STOM: variants seen among roughly 807,000 people sequenced by gnomAD.
STOM encodes the protein erythrocyte band 7 integral membrane protein.
STOM carries 25 observed loss-of-function variants against 30.6 expected under a neutral mutation model. That is an observed-to-expected ratio of 0.82 (90% CI 0.60 to 1.14). STOM has a LOEUF of 1.14. STOM is among the 50% of genes most tolerant of loss of function. The pLI, the probability that STOM is intolerant of heterozygous loss-of-function variation, is 0.00. For synonymous variants in STOM, 118 were observed against 130.8 expected (o/e 0.90, Z 0.67); for missense variants, 292 against 365.2 (o/e 0.80, Z 1.63).
chr9:121,351,569 A>C (rs532302041), intron 4 of STOM, among the ~76,000 whole-genome samples: 1 of 152,214 alleles, frequency 6.6e-6, no homozygotes, highest in African/African-American at 2.4e-5. Context: ...GGTTTTCTGT[A>C]TGCAACGGTT....
intron 6 of STOM, among the ~76,000 whole-genome samples, chr9:121,342,867 C>A (rs113225682): frequency 9.3e-4 from 142 of 152,244 alleles, no homozygotes; most frequent in Middle Eastern, 3.4e-3. Context: ...GAAGATCACT[C>A]GAGTAGTAGA....
In STOM at chr9:121,339,835, C is replaced by G; in HGVS notation, c.*1367G>C. The G allele has an allele frequency of 7.6e-6, 9 of 1,191,064 alleles. No homozygotes were observed. The highest frequency in any genetic ancestry group is 9.3e-6 in the Non-Finnish European group (9 of 962,806). 73.8% of individuals were successfully genotyped at this position (1,191,064 alleles called of 1,614,324 possible). On this transcript the variant is annotated 3_prime_UTR_variant, in exon 7 of 7. Coordinates refer to ENST00000286713, the MANE Select transcript of STOM (RefSeq NM_004099.6). ...AATGACTAGGTAAATTTAAAAAGAC[C>G]TACATCTATATAGATATTGTAAGTT...
At position 121,352,450 on chromosome 9, in the gene STOM, G is replaced by C. The variant is rs114785086; in HGVS notation, c.321+770C>G. ...ACCTACACATCACTTTATTCATGTG[G>C]ATTCAATGCCATGCTTGATGCATGG... is the stretch of plus-strand genomic sequence containing the variant. On this transcript the variant is annotated intron_variant, in intron 4 of 6. Transcript: ENST00000286713. Among the ~76,000 whole-genome samples the C allele has an allele frequency of 7.8e-3, 1,186 of 152,216 alleles. 19 individuals are homozygous for C. The highest frequency in any genetic ancestry group is 0.027 in the African/African-American group (1,130 of 41,500).
chr9:121,364,591 G>A (rs565425891), intron 1 of STOM, among the ~76,000 whole-genome samples: 7 of 152,280 alleles, frequency 4.6e-5, no homozygotes, highest in African/African-American at 1.7e-4. Flanking sequence ...ATACTTCTAA[G>A]AAAGATTTGC....
Position 121,362,121 on chromosome 9 carries a change from C to G in STOM, c.62-5965G>C, listed in dbSNP as rs563658344. 2.6e-5 allele frequency among the ~76,000 whole-genome samples: 4 copies of G among 152,176 alleles called. No homozygotes were observed. In the East Asian group the frequency reaches 7.7e-4, roughly 29 times the overall value. ...GTCTGAATATGGACATAAGCCTGTA[C>G]ATTTGAATTTTTGTATTGAACATTC... On this transcript the variant is annotated intron_variant, in intron 1 of 6. Coordinates refer to ENST00000286713, the MANE Select transcript of STOM (RefSeq NM_004099.6).
At chr9:121,352,710 A>G (rs993940901) in intron 4 of STOM, among the ~76,000 whole-genome samples, 2 of 152,164 alleles carry the variant, frequency 1.3e-5, no homozygotes, top group Non-Finnish European at 2.9e-5. Flanking sequence ...ACAAATGTCT[A>G]TTTTCTGGAT....
intron 1 of STOM, among the ~76,000 whole-genome samples, chr9:121,357,910 A>C (rs2064411290): frequency 9.5e-6 from 1 of 105,456 alleles, no homozygotes; most frequent in Admixed American, 1.1e-4. Context: ...GATTAGTACA[A>C]AAAAAGGGCA....
In STOM at chr9:121,341,026, C is replaced by A. The variant is rs2064241596; in HGVS notation, c.*176G>T. On this transcript the variant is annotated 3_prime_UTR_variant, in exon 7 of 7. Coordinates refer to ENST00000286713, the MANE Select transcript of STOM (RefSeq NM_004099.6). ...CTAACAGATTACCTTATATAAATCACCAATCTCTCAGTATTTACAAGCTAA... is the reference window on the plus strand; with the variant it reads ...CTAACAGATTACCTTATATAAATCAACAATCTCTCAGTATTTACAAGCTAA... 10 of 1,437,250 alleles carry A rather than the reference C, an allele frequency of 7.0e-6. No individual in the cohort carries two copies. The highest frequency in any genetic ancestry group is 9.1e-6 in the Non-Finnish European group (10 of 1,100,544). The allele number at this position is 1,437,250 out of a possible 1,614,324, so 89.0% of individuals were successfully genotyped here. A position where few individuals can be genotyped will look rare whatever the true frequency, so the allele number is the denominator to read the frequency against.
rs2064234627 is a variant in STOM, at chr9:121,340,285, A to G, written c.*917T>C. On this transcript the variant is annotated 3_prime_UTR_variant, in exon 7 of 7. Transcript: ENST00000286713. ...TGACCACTCTAGTAGTGAATTTAAAAGTCTTTTAAGGGTTAGAGTAATCTT... is the reference window on the plus strand; with the variant it reads ...TGACCACTCTAGTAGTGAATTTAAAGGTCTTTTAAGGGTTAGAGTAATCTT... 2.0e-6 allele frequency: 2 copies of G among 985,332 alleles called. No individual in the cohort carries two copies. Among genetic ancestry groups the G allele is most frequent in the Admixed American group, 1.2e-4 (2 of 16,268 alleles). 61.0% of individuals were successfully genotyped at this position (985,332 alleles called of 1,614,324 possible).
At chr9:121,354,495 G>T in intron 3 of STOM, 106 bp downstream of exon 3, 1 of 848,716 alleles carries the variant, frequency 1.2e-6, no homozygotes, top group Non-Finnish European at 1.8e-6. Flanking sequence ...ACTCCAGCCT[G>T]GGCGACGGAA....
chr9:121,358,284 C>G (rs1026293570), intron 1 of STOM, among the ~76,000 whole-genome samples: 1 of 151,926 alleles, frequency 6.6e-6, no homozygotes, highest in Non-Finnish European at 1.5e-5. Context: ...TAGTGAGACT[C>G]CCATCTCTAC....
intron 1 of STOM, among the ~76,000 whole-genome samples, chr9:121,360,323 G>T (rs1056049777): frequency 1.3e-5 from 2 of 151,850 alleles, no homozygotes; most frequent in African/African-American, 4.8e-5. Flanking sequence ...TCCAATGTAG[G>T]ATTTTAATCT....
chr9:121,348,078 T>C lies in STOM; in HGVS notation c.597A>G (p.Leu199=). 2 of 1,614,202 alleles carry C rather than the reference T, an allele frequency of 1.2e-6. No homozygotes were observed. The highest frequency in any genetic ancestry group is 1.7e-6 in the Non-Finnish European group (2 of 1,180,018). Residue 199 remains leucine, a synonymous_variant, in exon 6 of 7, where the codon CTA becomes CTG. Transcript: ENST00000286713. ...CCATAGCTCTCTGGAGCTGCACAGG[T>C]AGTTTCACATCCTTAATTTCCACAC... ...VERVEIKDVK[L]PVQLQRAMAA... is the part of the protein sequence containing the mutation.
chr9:121,359,277 C>T (rs779667201), intron 1 of STOM, among the ~76,000 whole-genome samples: 2 of 152,018 alleles, frequency 1.3e-5, no homozygotes, highest in Non-Finnish European at 2.9e-5. Flanking sequence ...CATGTTGGCA[C>T]CCAGGTCAAG....
chr9:121,359,809 G>A (rs1434655945), intron 1 of STOM, among the ~76,000 whole-genome samples: 4 of 152,106 alleles, frequency 2.6e-5, no homozygotes, highest in Non-Finnish European at 4.4e-5. Flanking sequence ...GAATGTTTTC[G>A]TGGTTGAGCA....
At chr9:121,348,678 TATACAAATA>T (rs1423631353) in intron 5 of STOM, among the ~76,000 whole-genome samples, 3 of 152,240 alleles carry the variant, frequency 2.0e-5, no homozygotes, top group Non-Finnish European at 2.9e-5. Flanking sequence ...CGATGAAGTC[TATACAAATA>T]ATAAGAATCC....
Position 121,348,087 on chromosome 9 carries a change from A to G in STOM, c.588T>C (p.Asp196=), listed in dbSNP as rs1427335580. 5 of 1,614,198 alleles carry G rather than the reference A, an allele frequency of 3.1e-6. No homozygotes were observed. Among genetic ancestry groups the G allele is most frequent in the East Asian group, 2.2e-5 (1 of 44,890 alleles). Residue 196 remains aspartate (D), a synonymous_variant, in exon 6 of 7, where the codon GAT becomes GAC. Transcript: ENST00000286713. Reference sequence around the variant, plus strand: ...TCTGGAGCTGCACAGGTAGTTTCACATCCTTAATTTCCACACGCTCCACCT... The same window carrying G: ...TCTGGAGCTGCACAGGTAGTTTCACGTCCTTAATTTCCACACGCTCCACCT... ...GIKVERVEIK[D]VKLPVQLQRA...
chr9:121,339,715 A>G lies in STOM; in HGVS notation c.*1487T>C. 2 of 1,231,100 alleles carry G rather than the reference A, an allele frequency of 1.6e-6. No individual in the cohort carries two copies. Among genetic ancestry groups the G allele is most frequent in the Non-Finnish European group, 2.0e-6 (2 of 987,618 alleles). 76.3% of individuals were successfully genotyped at this position (1,231,100 alleles called of 1,614,324 possible). On this transcript the variant is annotated 3_prime_UTR_variant, in exon 7 of 7. Coordinates refer to ENST00000286713, the MANE Select transcript of STOM (RefSeq NM_004099.6). ...GTTGCTCAGATTCACAGACATTTGC[A>G]AAACAGAAGATGTCTCCTAATATTA...
rs754571436 is a variant in STOM, at chr9:121,348,000, TA to T, written c.660+14del. 6.6e-5 allele frequency: 105 copies of T among 1,581,072 alleles called. 1 individual carries two copies. Among genetic ancestry groups the T allele is most frequent in the East Asian group, 3.1e-4 (14 of 44,456 alleles). ...GAAAACTCAGTAAGAAAAACAAGTT[TA>T]AAAAAAAAGTTACCTTGGCGCGGGC... On this transcript the variant is annotated intron_variant, in intron 6 of 6. Transcript: ENST00000286713.
Sources: allele counts gnomAD v4.1 joint callset (sites outside exome capture counted in the v4.1 genomes callset), GRCh38; gene constraint gnomAD v4.1.1; transcripts MANE v1.5; gene names NCBI Gene and HGNC (gene_info 2026-07-23, HGNC 2026-07-21).